VGLL4: variants seen among roughly 807,000 people sequenced by gnomAD.
VGLL4 encodes the protein vestigial like family member 4, also known as transcription cofactor vestigial-like protein 4.
A neutral mutation model predicts 21.0 loss-of-function variants in VGLL4; 7 were observed. The observed-to-expected ratio is 0.33, with a 90% CI of 0.19 to 0.63. VGLL4 has a LOEUF of 0.63. VGLL4 is among the 20% of genes least tolerant of loss of function. The probability of loss-of-function intolerance (pLI) is 0.78; values close to 1 mark genes in which losing one functional copy is unlikely to be tolerated. For synonymous variants in VGLL4, 222 were observed against 173.2 expected (o/e 1.28, Z -2.21); for missense variants, 394 against 425.7 (o/e 0.93, Z 0.66).
At chr3:11,681,309 A>G (rs9865511) in intron 2 of VGLL4, among the ~76,000 whole-genome samples, 85,010 of 152,034 alleles carry the variant, frequency 0.56, 24,363 homozygotes, top group Non-Finnish European at 0.63. Context: ...ATGTTCGGCA[A>G]GATGGTCTCA....
intron 1 of VGLL4, among the ~76,000 whole-genome samples, chr3:11,707,827 C>G (rs748676855): frequency 6.6e-6 from 1 of 152,144 alleles, no homozygotes; most frequent in African/African-American, 2.4e-5. Context: ...CCACTGCACT[C>G]CAGCCTGAGT....
intron 2 of VGLL4, among the ~76,000 whole-genome samples, chr3:11,572,438 C>T (rs1028509618): frequency 2.0e-5 from 3 of 152,162 alleles, no homozygotes; most frequent in Admixed American, 2.0e-4. Context: ...AAAATGTGCT[C>T]TCATATTTGC....
intron 2 of VGLL4, among the ~76,000 whole-genome samples, chr3:11,659,893 T>C (rs925377512): frequency 2.6e-5 from 4 of 151,990 alleles, no homozygotes; most frequent in African/African-American, 9.7e-5. Flanking sequence ...CCGGGCGCGG[T>C]GGCTCACGCC....
Position 11,573,242 on chromosome 3 carries a change from ATAG to A in VGLL4, c.273-8226_273-8224del, listed in dbSNP as rs1264053046. Among the ~76,000 whole-genome samples, 65 of 46,946 alleles carry A rather than the reference ATAG, an allele frequency of 1.4e-3. No homozygotes were observed. In the African/African-American group the frequency reaches 0.015, roughly 11 times the overall value. The allele number at this position is 46,946 out of a possible 152,430, so 30.8% of individuals were successfully genotyped here. On this transcript the variant is annotated intron_variant, in intron 2 of 4. Coordinates refer to ENST00000430365, the MANE Select transcript of VGLL4 (RefSeq NM_001128219.3). ...AGAAAGACAGACAGAAAGAAAAGAA[ATAG>A]AGAAAGAAAGAAAGAAAGAAAGAAA...
chr3:11,575,094 G>A (rs1168940337), intron 2 of VGLL4, among the ~76,000 whole-genome samples: 1 of 152,178 alleles, frequency 6.6e-6, no homozygotes, highest in African/African-American at 2.4e-5. Flanking sequence ...CCGAGGAAAA[G>A]TGGATTGAGA....
At chr3:11,574,691 C>A (rs1338097630) in intron 2 of VGLL4, among the ~76,000 whole-genome samples, 8 of 152,076 alleles carry the variant, frequency 5.3e-5, no homozygotes, top group Non-Finnish European at 8.8e-5. Flanking sequence ...TTGATGGAGG[C>A]TAACCACCCT....
intron 1 of VGLL4, among the ~76,000 whole-genome samples, chr3:11,713,161 A>G (rs2076871566): frequency 6.6e-6 from 1 of 152,204 alleles, no homozygotes; most frequent in Non-Finnish European, 1.5e-5. Context: ...TCAAGCTCCA[A>G]CGGCTAACTG....
In VGLL4 at chr3:11,643,474, G is replaced by C. The variant is rs1300010432; in HGVS notation, c.45C>G (p.Asp15Glu). Residue 15 changes from aspartate to glutamate, a missense_variant, in exon 1 of 5, where the codon GAC (aspartate) becomes GAG (glutamate). Coordinates refer to ENST00000430365, the MANE Select transcript of VGLL4 (RefSeq NM_001128219.3). ...KMDLLNYQYL[D>E]KMNNNIGILC... ...GAATGCCGATATTGTTGTTCATCTT[G>C]TCCAAGTACTGATAGTTCAACAGGT... 1.9e-6 allele frequency: 3 copies of C among 1,613,862 alleles called. No homozygotes were observed. The highest frequency in any genetic ancestry group is 2.5e-6 in the Non-Finnish European group (3 of 1,179,898).
intron 3 of VGLL4, 53 bp from the exon 4 acceptor site, chr3:11,559,508 C>T (rs1163868265): frequency 2.0e-6 from 3 of 1,495,584 alleles, no homozygotes; most frequent in Non-Finnish European, 2.7e-6. Context: ...TACCGGGCAC[C>T]ACCCCTGGGG....
intron 2 of VGLL4, among the ~76,000 whole-genome samples, chr3:11,675,710 A>T (rs1285016403): frequency 6.6e-6 from 1 of 152,226 alleles, no homozygotes; most frequent in Non-Finnish European, 1.5e-5. Flanking sequence ...TTCTTTTTAG[A>T]TACCTTTCTT....
At chr3:11,705,777 C>T (rs1430049559) in intron 1 of VGLL4, among the ~76,000 whole-genome samples, 1 of 152,196 alleles carries the variant, frequency 6.6e-6, no homozygotes, top group Non-Finnish European at 1.5e-5. Flanking sequence ...AAAAAATTAG[C>T]CAGGCGCGGT....
intron 2 of VGLL4, among the ~76,000 whole-genome samples, chr3:11,652,254 T>C (rs2075883166): frequency 6.6e-6 from 1 of 152,234 alleles, no homozygotes; most frequent in South Asian, 2.1e-4. Flanking sequence ...TTAAAATTCA[T>C]AGAAAATATC....
chr3:11,686,595 C>T lies in VGLL4; in HGVS notation c.64+16376G>A, dbSNP rs373720012. On this transcript the variant is annotated intron_variant, in intron 2 of 5. Coordinates refer to the VGLL4 transcript ENST00000273038. ...TATGGATGGGTGGTGGTGATGGTTG[C>T]CCATCACATGTATTTAATACCACTG... Among the ~76,000 whole-genome samples the T allele has an allele frequency of 1.1e-4, 16 of 152,170 alleles. No homozygotes were observed. In the South Asian group the frequency reaches 2.9e-3, roughly 28 times the overall value.
intron 2 of VGLL4, among the ~76,000 whole-genome samples, chr3:11,682,273 T>G (rs1173203833): frequency 2.0e-5 from 3 of 151,752 alleles, no homozygotes; most frequent in Non-Finnish European, 4.4e-5. Flanking sequence ...GGCGTGGTGG[T>G]GGGCACCTGT....
intron 2 of VGLL4, among the ~76,000 whole-genome samples, chr3:11,661,715 G>T (rs1456746300): frequency 6.6e-6 from 1 of 152,028 alleles, no homozygotes; most frequent in African/African-American, 2.4e-5. Flanking sequence ...CAGGTGATCT[G>T]CCCGCCTCGG....
chr3:11,643,358 T>C, intron 1 of VGLL4, 79 bp downstream of exon 1: 7 of 1,609,140 alleles, frequency 4.4e-6, no homozygotes, highest in Non-Finnish European at 5.9e-6. Context: ...AGCGGGCGCT[T>C]AGAAGGCAGG....
At chr3:11,671,250 G>T (rs946026126) in intron 2 of VGLL4, 1 of 1,555,950 alleles carries the variant, frequency 6.4e-7, no homozygotes, top group African/African-American at 1.4e-5. Context: ...AAAATCAAAA[G>T]AACATTTTTA....
chr3:11,591,022 A>G (rs1018498899), intron 2 of VGLL4, among the ~76,000 whole-genome samples: 2 of 152,186 alleles, frequency 1.3e-5, no homozygotes, highest in African/African-American at 4.8e-5. Flanking sequence ...AGGTCTATGA[A>G]GGTCACAGGC....
At chr3:11,635,733 A>G (rs17034924) in intron 1 of VGLL4, among the ~76,000 whole-genome samples, 4,509 of 152,278 alleles carry the variant, frequency 0.03, 177 homozygotes, top group East Asian at 0.13. Flanking sequence ...ACTGGTGTTA[A>G]CTGCTCCGAA....
Sources: allele counts gnomAD v4.1 joint callset (sites outside exome capture counted in the v4.1 genomes callset), GRCh38; gene constraint gnomAD v4.1.1; transcripts MANE v1.5; gene names NCBI Gene and HGNC (gene_info 2026-07-23, HGNC 2026-07-21).